CSMD1: variants seen among roughly 807,000 people sequenced by gnomAD.
The protein encoded by CSMD1 is CUB and sushi domain-containing protein 1.
A neutral mutation model predicts 417.5 loss-of-function variants in CSMD1; 213 were observed. The ratio of observed to expected loss-of-function variants is 0.51; its 90% CI spans 0.46 to 0.57. CSMD1 has a LOEUF of 0.57. Ranked by LOEUF, CSMD1 falls within the 20% of genes least tolerant of loss-of-function variation. The probability of loss-of-function intolerance (pLI) is 0.00; values close to 1 mark genes in which losing one functional copy is unlikely to be tolerated. For missense variants in CSMD1, 6,923 were observed against 4,529.7 expected (o/e 1.53, Z -15.17); for synonymous variants, 2,862 against 1,736.8 (o/e 1.65, Z -16.11).
At chr8:4,921,272 A>G (rs979813573) in intron 1 of CSMD1, among the ~76,000 whole-genome samples, 3 of 152,188 alleles carry the variant, frequency 2.0e-5, no homozygotes, top group African/African-American at 4.8e-5. Context: ...TTGTCAGCCA[A>G]TCTGAGTGGG....
Position 4,563,172 on chromosome 8 carries a change from C to G in CSMD1, c.302+74170G>C, listed in dbSNP as rs143002790. Among the ~76,000 whole-genome samples, 1,406 of 152,180 alleles carry G rather than the reference C, an allele frequency of 9.2e-3. 5 individuals are homozygous for G. The highest frequency in any genetic ancestry group is 0.013 in the Non-Finnish European group (894 of 68,006). ...ATCTCAGCACTTTCGGAGGCCGAGG[C>G]AGGCGGATCACGAGGTCAGGAGATT... On this transcript the variant is annotated intron_variant, in intron 2 of 69. Transcript: ENST00000635120.
rs770941591 is a variant in CSMD1 at position 4,735,461 on chromosome 8, C to T, written c.86-97903G>A. 1.3e-4 allele frequency among the ~76,000 whole-genome samples: 20 copies of T among 152,092 alleles called. No individual in the cohort carries two copies. In the East Asian group the frequency reaches 3.1e-3, roughly 23 times the overall value. Reference sequence around the variant, plus strand: ...ACGTAGATCTGCAAGTGTTGTAGGACGACAGATTTCCTTTCAAACATTGAA... The same window carrying T: ...ACGTAGATCTGCAAGTGTTGTAGGATGACAGATTTCCTTTCAAACATTGAA... On this transcript the variant is annotated intron_variant, in intron 1 of 69. Transcript: ENST00000635120.
chr8:3,732,259 T>C (rs911500977), intron 6 of CSMD1, among the ~76,000 whole-genome samples: 2 of 152,180 alleles, frequency 1.3e-5, no homozygotes, highest in African/African-American at 2.4e-5. Context: ...AATTACTCGA[T>C]ACAAAGCTGC....
At chr8:4,008,500 T>G (rs956621801) in intron 4 of CSMD1, among the ~76,000 whole-genome samples, 4 of 151,396 alleles carry the variant, frequency 2.6e-5, no homozygotes, top group African/African-American at 7.3e-5. Context: ...TTACACATGA[T>G]GCAGAACAAA....
At chr8:3,177,015 C>T (rs891705316) in intron 37 of CSMD1, among the ~76,000 whole-genome samples, 16 of 151,924 alleles carry the variant, frequency 1.1e-4, no homozygotes, top group South Asian at 4.2e-4. Context: ...TGGGCTCAAG[C>T]GATCCACTCA....
chr8:4,940,168 G>T (rs752875792), intron 1 of CSMD1, among the ~76,000 whole-genome samples: 1 of 152,094 alleles, frequency 6.6e-6, no homozygotes, highest in African/African-American at 2.4e-5. Flanking sequence ...TGGGAAGCAA[G>T]ATATTGACTG....
chr8:4,544,446 G>C (rs996885728), intron 2 of CSMD1, among the ~76,000 whole-genome samples: 19 of 151,892 alleles, frequency 1.3e-4, no homozygotes, highest in Admixed American at 1.2e-3. Flanking sequence ...GTTATATGTA[G>C]TTTACTCTTT....
At chr8:4,975,041 A>G (rs1466070781) in intron 1 of CSMD1, among the ~76,000 whole-genome samples, 1 of 152,208 alleles carries the variant, frequency 6.6e-6, no homozygotes. Context: ...ATTCACATAC[A>G]GCAGGCTGGG....
At chr8:3,127,728 T>C (rs1817581558) in intron 41 of CSMD1, 2 of 152,332 alleles carry the variant, frequency 1.3e-5, no homozygotes, top group South Asian at 4.1e-4. Context: ...GCCTAAAGCA[T>C]TAAAATTATC....
intron 3 of CSMD1, among the ~76,000 whole-genome samples, chr8:4,073,067 T>C (rs1412603749): frequency 2.0e-5 from 3 of 152,228 alleles, no homozygotes; most frequent in African/African-American, 7.2e-5. Context: ...ATATTCATTC[T>C]GGTTTTCTCT....
intron 18 of CSMD1, among the ~76,000 whole-genome samples, chr8:3,383,799 A>G (rs545298937): frequency 3.4e-4 from 52 of 152,184 alleles, no homozygotes; most frequent in Admixed American, 4.6e-4. Flanking sequence ...TCCAATAAAT[A>G]TACAAAAATG....
intron 3 of CSMD1, among the ~76,000 whole-genome samples, chr8:4,338,869 G>T (rs144292153): frequency 6.6e-6 from 1 of 152,022 alleles, no homozygotes; most frequent in East Asian, 1.9e-4. Flanking sequence ...AATTATGGAA[G>T]GTTTAGAAGA....
chr8:3,128,509 T>A lies in CSMD1; in HGVS notation c.6242-9922A>T, dbSNP rs181137194. Reference sequence around the variant, plus strand: ...AAGAATTCTCTGTATGATTTATGCATCTTCTTAGGAGTTATTAATTATAAG... The same window carrying A: ...AAGAATTCTCTGTATGATTTATGCAACTTCTTAGGAGTTATTAATTATAAG... On this transcript the variant is annotated intron_variant, in intron 41 of 69. Coordinates refer to ENST00000635120, the MANE Select transcript of CSMD1 (RefSeq NM_033225.6). The A allele has an allele frequency of 1.2e-4, 27 of 226,486 alleles. No homozygotes were observed. In the Admixed American group the frequency reaches 1.3e-3, roughly 11 times the overall value. 14.0% of individuals were successfully genotyped at this position (226,486 alleles called of 1,614,324 possible).
rs559311742 is a variant in CSMD1 at position 4,157,048 on chromosome 8, G to A, written c.416-124949C>T. On this transcript the variant is annotated intron_variant, in intron 3 of 69. Coordinates refer to ENST00000635120, the MANE Select transcript of CSMD1 (RefSeq NM_033225.6). ...GAGGGGCATGTTATGCACACAAGGA[G>A]CCTGTAGACCAGAACAGGGATGGAC... Among the ~76,000 whole-genome samples the A allele has an allele frequency of 4.9e-4, 75 of 152,266 alleles. No individual in the cohort carries two copies. In the Middle Eastern group the frequency reaches 0.017, roughly 35 times the overall value.
chr8:4,927,448 G>A (rs956769438), intron 1 of CSMD1, among the ~76,000 whole-genome samples: 1 of 152,136 alleles, frequency 6.6e-6, no homozygotes, highest in African/African-American at 2.4e-5. Context: ...TTTAATGTAG[G>A]ACTCAAGAAC....
intron 54 of CSMD1, among the ~76,000 whole-genome samples, chr8:2,991,217 C>A (rs1315717177): frequency 6.6e-6 from 1 of 152,260 alleles, no homozygotes; most frequent in East Asian, 1.9e-4. Flanking sequence ...AATGTTCTTC[C>A]ACTTAAAATC....
intron 1 of CSMD1, among the ~76,000 whole-genome samples, chr8:4,679,604 G>A (rs533864745): frequency 9.9e-5 from 15 of 152,006 alleles, no homozygotes; most frequent in Non-Finnish European, 1.9e-4. Context: ...CTTAATCATC[G>A]TCCTTCTTTA....
At chr8:4,749,433 G>A (rs7831951) in intron 1 of CSMD1, among the ~76,000 whole-genome samples, 44,115 of 152,116 alleles carry the variant, frequency 0.29, 7,208 homozygotes, top group Admixed American at 0.43. Flanking sequence ...AGGTATTGCC[G>A]TTTGGCCATG....
intron 7 of CSMD1, among the ~76,000 whole-genome samples, chr8:3,704,248 T>G (rs2624111): frequency 0.96 from 145,568 of 152,188 alleles, 69,688 homozygotes; most frequent in East Asian, 1. Flanking sequence ...GAAAAGTCAG[T>G]CTGCACCTGG....
Sources: allele counts gnomAD v4.1 joint callset (sites outside exome capture counted in the v4.1 genomes callset), GRCh38; gene constraint gnomAD v4.1.1; transcripts MANE v1.5; gene names NCBI Gene and HGNC (gene_info 2026-07-23, HGNC 2026-07-21).